ZMYND11: variants seen among roughly 807,000 people sequenced by gnomAD.
The protein encoded by ZMYND11 is zinc finger MYND domain-containing protein 11.
A neutral mutation model predicts 84.9 loss-of-function variants in ZMYND11; 9 were observed. The ratio of observed to expected loss-of-function variants is 0.11; its 90% confidence interval spans 0.06 to 0.18. The LOEUF is 0.18. Ranked by LOEUF, ZMYND11 falls within the 10% of genes least tolerant of loss-of-function variation. The pLI is 1.00. For synonymous variants in ZMYND11, 250 were observed against 244.1 expected (o/e 1.02, Z -0.23); for missense variants, 409 against 761.0 (o/e 0.54, Z 5.44).
intron 3 of ZMYND11, among the ~76,000 whole-genome samples, chr10:214,548 C>T (rs1945823791): frequency 6.6e-6 from 1 of 152,186 alleles, no homozygotes; most frequent in Non-Finnish European, 1.5e-5. Context: ...ATAGGGTCCA[C>T]ATAATTCATT....
intron 2 of ZMYND11, among the ~76,000 whole-genome samples, chr10:207,107 C>A (rs1053300571): frequency 3.9e-4 from 60 of 151,932 alleles, no homozygotes; most frequent in African/African-American, 1.5e-3. Flanking sequence ...TTTGTCCTTG[C>A]GATAGTTTAC....
In ZMYND11 at chr10:190,475, G is replaced by A. The variant is rs532540408; in HGVS notation, c.116+10347G>A. Among the ~76,000 whole-genome samples the A allele has an allele frequency of 2.2e-4, 33 of 152,286 alleles. No homozygotes were observed. In the South Asian group the frequency reaches 5.4e-3, roughly 25 times the overall value. On this transcript the variant is annotated intron_variant, in intron 2 of 14. Transcript: ENST00000381604. The stretch of plus-strand genomic sequence containing the variant: ...CGTTTCCCATGCTCTGCCTTGGGAC[G>A]CCCTTCCCAGACTCCTCCTTCAGGT...
chr10:168,706 C>T (rs1844587925), intron 1 of ZMYND11, among the ~76,000 whole-genome samples: 1 of 152,044 alleles, frequency 6.6e-6, no homozygotes. Context: ...CTTTTAGATC[C>T]ATCAGGGAAG....
intron 1 of ZMYND11, among the ~76,000 whole-genome samples, chr10:140,059 G>A (rs1554753571): frequency 6.6e-6 from 1 of 152,104 alleles, no homozygotes; most frequent in East Asian, 1.9e-4. Flanking sequence ...ATTATGGAAA[G>A]TTCACCTTGT....
At chr10:138,744 TG>T (rs1345997464) in intron 1 of ZMYND11, among the ~76,000 whole-genome samples, 1 of 144,340 alleles carries the variant, frequency 6.9e-6, no homozygotes, top group African/African-American at 2.5e-5. Context: ...GCAAAGAGGA[TG>T]TATCTTGGAA....
At chr10:242,197 G>GTTTGATGATTTCTCCATC in intron 10 of ZMYND11, 58 bp downstream of exon 10, 1 of 1,570,480 alleles carries the variant, frequency 6.4e-7, no homozygotes, top group African/African-American at 1.4e-5. Flanking sequence ...CCTTAAGAAA[G>GTTTGATGATTTCTCCATC]TTTGATGATT....
intron 4 of ZMYND11, among the ~76,000 whole-genome samples, chr10:235,564 G>GCCACCAGAAGTCACAAC: frequency 6.6e-6 from 1 of 152,340 alleles, no homozygotes; most frequent in Admixed American, 6.5e-5. Flanking sequence ...CACAGGCCCT[G>GCCACCAGAAGTCACAAC]CCACCAGAAG....
At chr10:140,253 A>T (rs1445859879) in intron 1 of ZMYND11, among the ~76,000 whole-genome samples, 1 of 152,194 alleles carries the variant, frequency 6.6e-6, no homozygotes, top group East Asian at 1.9e-4. Flanking sequence ...GGAGATAAGA[A>T]CCCAAATCAA....
intron 1 of ZMYND11, among the ~76,000 whole-genome samples, chr10:147,059 G>T (rs1588430046): frequency 6.6e-6 from 1 of 152,198 alleles, no homozygotes. Context: ...CTTGGTCGTT[G>T]TTGGTATATA....
intron 4 of ZMYND11, among the ~76,000 whole-genome samples, chr10:229,347 G>C (rs1948622240): frequency 6.6e-6 from 1 of 152,112 alleles, no homozygotes; most frequent in Non-Finnish European, 1.5e-5. Context: ...TTAGTAGTTT[G>C]CATTATCTTG....
intron 1 of ZMYND11, among the ~76,000 whole-genome samples, chr10:143,904 C>T (rs1366884339): frequency 2.0e-5 from 3 of 151,512 alleles, no homozygotes; most frequent in Non-Finnish European, 2.9e-5. Context: ...TTTGGGAGGC[C>T]GAGGCGGGCA....
Position 209,740 on chromosome 10 carries a change from G to A in ZMYND11, c.117-149G>A, listed in dbSNP as rs562810516. The A allele has an allele frequency of 1.5e-5, 9 of 620,188 alleles. No individual in the cohort carries two copies. In the Admixed American group the frequency reaches 1.9e-4, roughly 13 times the overall value. 38.4% of individuals were successfully genotyped at this position (620,188 alleles called of 1,614,324 possible). A position where few individuals can be genotyped will look rare whatever the true frequency, so the allele number is the denominator to read the frequency against. ...ACTTTTCCTTTCTTTTCTGTTTATC[G>A]TGTTCGTTCTTTATCTTGTTCTTTA... is the stretch of plus-strand genomic sequence containing the variant. On this transcript the variant is annotated intron_variant, in intron 2 of 14. Coordinates refer to ENST00000381604, the MANE Select transcript of ZMYND11 (RefSeq NM_001370100.5).
At chr10:171,119 C>T (rs917703229) in intron 1 of ZMYND11, among the ~76,000 whole-genome samples, 1 of 152,058 alleles carries the variant, frequency 6.6e-6, no homozygotes, top group Non-Finnish European at 1.5e-5. Context: ...TCTAAGAAGG[C>T]ATAACAGTGC....
rs767326867 is a variant in ZMYND11, at chr10:248,486, G to A, written c.1378G>A (p.Asp460Asn). Reference sequence around the variant, plus strand: ...GCATCGGAGCACCCAGACCACAAACGACGGCGTGTGTCAGAGCATGTGCCA... The same window carrying A: ...GCATCGGAGCACCCAGACCACAAACAACGGCGTGTGTCAGAGCATGTGCCA... ...MLHRSTQTTN[D>N]GVCQSMCHDK... Residue 460 changes from aspartate (D) to asparagine (N), a missense_variant, in exon 13 of 15, where the codon GAC becomes AAC. Asp to Asn is a conservative substitution (Grantham distance 23, BLOSUM62 1). Transcript: ENST00000381604. The A allele has an allele frequency of 3.5e-5, 57 of 1,614,022 alleles. No homozygotes were observed. Among genetic ancestry groups the A allele is most frequent in the Non-Finnish European group, 1.7e-6 (2 of 1,180,046 alleles).
chr10:207,032 C>G (rs1241888071), intron 2 of ZMYND11, among the ~76,000 whole-genome samples: 1 of 152,072 alleles, frequency 6.6e-6, no homozygotes, highest in Non-Finnish European at 1.5e-5. Context: ...TGTTCCCCTT[C>G]CTGTGTCCAT....
At chr10:242,578 TAAGCCATAA>T (rs1424042651) in intron 10 of ZMYND11, among the ~76,000 whole-genome samples, 1 of 152,208 alleles carries the variant, frequency 6.6e-6, no homozygotes, top group Non-Finnish European at 1.5e-5. Context: ...TGCGTGGAAA[TAAGCCATAA>T]TAGGAATAAA....
chr10:201,639 A>G (rs552797536), intron 2 of ZMYND11, among the ~76,000 whole-genome samples: 1 of 149,738 alleles, frequency 6.7e-6, no homozygotes, highest in African/African-American at 2.5e-5. Flanking sequence ...TGGAACTTTC[A>G]GAATGATCTC....
intron 2 of ZMYND11, among the ~76,000 whole-genome samples, chr10:201,433 A>G (rs1471992539): frequency 3.3e-5 from 5 of 152,102 alleles, no homozygotes; most frequent in Non-Finnish European, 7.4e-5. Flanking sequence ...TCATTTTCCA[A>G]TATATTCATT....
At chr10:145,679 G>A (rs1473600375) in intron 1 of ZMYND11, among the ~76,000 whole-genome samples, 1 of 152,002 alleles carries the variant, frequency 6.6e-6, no homozygotes, top group African/African-American at 2.4e-5. Context: ...GTGTTTGTTG[G>A]TTATTTGTAT....
Sources: allele counts gnomAD v4.1 joint callset (sites outside exome capture counted in the v4.1 genomes callset), GRCh38; gene constraint gnomAD v4.1.1; transcripts MANE v1.5; gene names NCBI Gene and HGNC (gene_info 2026-07-23, HGNC 2026-07-21).